The following PDZD2 variants were observed in gnomAD, a reference collection of about 807,000 sequenced individuals.
PDZD2 encodes the protein PDZ domain-containing protein 2.
Under a neutral mutation model 220.7 loss-of-function variants are expected in PDZD2, and 90 were observed. The observed-to-expected ratio is 0.41, with a 90% CI of 0.34 to 0.49. The LOEUF is 0.49. Ranked by LOEUF, PDZD2 falls within the 20% of genes least tolerant of loss-of-function variation. PDZD2 has a pLI of 0.28. For missense variants in PDZD2, 3,174 were observed against 3,608.5 expected (o/e 0.88, Z 3.08); for synonymous variants, 1,375 against 1,450.5 (o/e 0.95, Z 1.18).
chr5:31,912,926 G>C (rs1476821968), intron 2 of PDZD2, among the ~76,000 whole-genome samples: 1 of 148,702 alleles, frequency 6.7e-6, no homozygotes. Context: ...AATGTACCCA[G>C]TGAACAAAAG....
At chr5:32,053,740 A>T (rs1738811734) in intron 9 of PDZD2, 29 bp from the exon 10 acceptor site, 1 of 1,232,516 alleles carries the variant, frequency 8.1e-7, no homozygotes, top group African/African-American at 1.5e-5. Context: ...CACACTGTCA[A>T]CCTGGACTCT....
chr5:31,880,173 T>G (rs1171511869), intron 2 of PDZD2, among the ~76,000 whole-genome samples: 1 of 152,126 alleles, frequency 6.6e-6, no homozygotes, highest in Admixed American at 6.6e-5. Context: ...CCACCCACCT[T>G]GGCCTCCCAA....
Position 32,109,137 on chromosome 5 carries a change from T to G in PDZD2, c.*1002T>G, listed in dbSNP as rs1294539686. On this transcript the variant is annotated 3_prime_UTR_variant, in exon 25 of 25. Coordinates refer to ENST00000438447, the MANE Select transcript of PDZD2 (RefSeq NM_178140.4). The stretch of plus-strand genomic sequence containing the variant: ...AAATCAAGTATCTTTCTAAGTGTCC[T>G]TGGATTTATAGACAATGTATGTACA... 6.6e-6 allele frequency: 1 copy of G among 152,416 alleles called. No individual in the cohort carries two copies. The highest frequency in any genetic ancestry group is 1.9e-4 in the East Asian group (1 of 5,202). 9.4% of individuals were successfully genotyped at this position (152,416 alleles called of 1,614,324 possible).
intron 1 of PDZD2, among the ~76,000 whole-genome samples, chr5:31,703,957 T>TTC (rs10652328): frequency 0.13 from 19,802 of 149,352 alleles, 1,392 homozygotes; most frequent in East Asian, 0.21. Context: ...TTCTCTCTCT[T>TTC]TCTCTCTCTC....
intron 1 of PDZD2, chr5:31,744,564 C>T (rs1011293412): frequency 3.3e-5 from 5 of 151,558 alleles, no homozygotes; most frequent in Admixed American, 6.6e-5. Context: ...AATATTAGCT[C>T]GATTTGAATT....
chr5:31,905,591 C>T (rs1236917192), intron 2 of PDZD2, among the ~76,000 whole-genome samples: 1 of 152,230 alleles, frequency 6.6e-6, no homozygotes, highest in Non-Finnish European at 1.5e-5. Flanking sequence ...TTAAATATAG[C>T]TTCATGCTAG....
intron 2 of PDZD2, among the ~76,000 whole-genome samples, chr5:31,846,997 T>G (rs1011336846): frequency 1.3e-5 from 2 of 152,222 alleles, no homozygotes; most frequent in Non-Finnish European, 2.9e-5. Flanking sequence ...TCACTTGCCT[T>G]TCTAAAAATC....
intron 1 of PDZD2, chr5:31,692,924 T>C (rs1301000325): frequency 1.3e-5 from 2 of 152,300 alleles, no homozygotes; most frequent in African/African-American, 2.4e-5. Flanking sequence ...AGGGCCGGCG[T>C]TCCTGCTCAG....
At chr5:31,802,494 T>G (rs190250583) in intron 2 of PDZD2, among the ~76,000 whole-genome samples, 2 of 152,278 alleles carry the variant, frequency 1.3e-5, no homozygotes, top group East Asian at 3.9e-4. Flanking sequence ...TGGACTCAAA[T>G]AGCTGAAGCT....
At position 31,737,467 on chromosome 5, in the gene PDZD2, C is replaced by T. The variant is rs77298416; in HGVS notation, c.-360-61422C>T. On this transcript the variant is annotated intron_variant, in intron 1 of 24. Transcript: ENST00000438447. Reference sequence around the variant, plus strand: ...GATTACAGGCGTGAGCTACCGCGCCCGGCCAGAGCAGTCTACTTCTTATAG... The same window carrying T: ...GATTACAGGCGTGAGCTACCGCGCCTGGCCAGAGCAGTCTACTTCTTATAG... 6.8e-3 allele frequency among the ~76,000 whole-genome samples: 1,028 copies of T among 152,184 alleles called. 5 individuals carry two copies. Among genetic ancestry groups the T allele is most frequent in the African/African-American group, 0.023 (959 of 41,518 alleles).
chr5:32,012,019 A>G (rs1187854136), intron 6 of PDZD2, among the ~76,000 whole-genome samples: 2 of 152,182 alleles, frequency 1.3e-5, no homozygotes, highest in African/African-American at 4.8e-5. Context: ...TGGTTACAAG[A>G]AGGGAAATGA....
At chr5:32,055,087 A>G (rs1194057495) in intron 10 of PDZD2, among the ~76,000 whole-genome samples, 3 of 152,240 alleles carry the variant, frequency 2.0e-5, no homozygotes, top group Non-Finnish European at 4.4e-5. Context: ...GAATAGATAT[A>G]CATATCTTTA....
chr5:31,945,304 G>A (rs1480888579), intron 2 of PDZD2, among the ~76,000 whole-genome samples: 1 of 152,150 alleles, frequency 6.6e-6, no homozygotes, highest in South Asian at 2.1e-4. Context: ...GGTTGTCAGC[G>A]GCCTGGAAAC....
rs143103611 is a variant in PDZD2 at position 31,859,401 on chromosome 5, C to T, written c.476+59677C>T. Among the ~76,000 whole-genome samples the T allele has an allele frequency of 7.9e-5, 12 of 152,208 alleles. No individual in the cohort carries two copies. The East Asian group carries it at 2.3e-3, about 29-fold the overall frequency. On this transcript the variant is annotated intron_variant, in intron 2 of 24. Transcript: ENST00000438447. ...CTATCTCCTTTTAAAAAAAACATTT[C>T]TACTTCCTGGGAAATTTCCTCATTT...
intron 2 of PDZD2, among the ~76,000 whole-genome samples, chr5:31,915,305 C>G (rs1743584730): frequency 6.6e-6 from 1 of 152,184 alleles, no homozygotes; most frequent in South Asian, 2.1e-4. Context: ...CTATCAGATT[C>G]AGCCTCGTGG....
intron 19 of PDZD2, among the ~76,000 whole-genome samples, chr5:32,085,452 A>ATT (rs924402436): frequency 2.5e-4 from 35 of 142,782 alleles, no homozygotes; most frequent in Non-Finnish European, 2.0e-4. Flanking sequence ...CCTTATTATT[A>ATT]TTTTTTTTTT....
intron 4 of PDZD2, among the ~76,000 whole-genome samples, chr5:31,996,407 G>C (rs1279743052): frequency 1.3e-5 from 2 of 152,084 alleles, no homozygotes; most frequent in Admixed American, 1.3e-4. Context: ...GTGAGACCTG[G>C]TGTTTACAAA....
intron 2 of PDZD2, among the ~76,000 whole-genome samples, chr5:31,857,324 TTA>T (rs1386496693): frequency 1.3e-5 from 2 of 152,212 alleles, no homozygotes; most frequent in South Asian, 2.1e-4. Context: ...CCTCTCACTG[TTA>T]TTATGAGAAT....
intron 1 of PDZD2, among the ~76,000 whole-genome samples, chr5:31,797,094 ATTTTTTTTTTTTT>A (rs756548601): frequency 4.5e-5 from 3 of 66,534 alleles, no homozygotes; most frequent in Non-Finnish European, 7.6e-5. Context: ...CACCCAGCTA[ATTTTTTTTTTTTT>A]TTTTTTTTTT....
Sources: allele counts gnomAD v4.1 joint callset (sites outside exome capture counted in the v4.1 genomes callset), GRCh38; gene constraint gnomAD v4.1.1; transcripts MANE v1.5; gene names NCBI Gene and HGNC (gene_info 2026-07-23, HGNC 2026-07-21).